SLC35F1: variants seen among roughly 807,000 people sequenced by gnomAD.
SLC35F1 encodes the protein chromosome 6 open reading frame 169.
A neutral mutation model predicts 48.7 loss-of-function variants in SLC35F1; 14 were observed. That is an observed-to-expected ratio of 0.29 (90% CI 0.19 to 0.45). The LOEUF is 0.45. SLC35F1 is among the 20% of genes least tolerant of loss of function. The pLI, the probability that SLC35F1 is intolerant of heterozygous loss-of-function variation, is 1.00. For synonymous variants in SLC35F1, 190 were observed against 202.2 expected (o/e 0.94, Z 0.51); for missense variants, 404 against 500.0 (o/e 0.81, Z 1.83).
chr6:118,257,043 T>A (rs561472193), intron 3 of SLC35F1, among the ~76,000 whole-genome samples: 2 of 152,300 alleles, frequency 1.3e-5, no homozygotes, highest in African/African-American at 4.8e-5. Flanking sequence ...ATGTATGTCA[T>A]CTAAAGCAAG....
chr6:117,917,592 G>A (rs1341723923), intron 1 of SLC35F1, among the ~76,000 whole-genome samples: 1 of 152,082 alleles, frequency 6.6e-6, no homozygotes, highest in Non-Finnish European at 1.5e-5. Context: ...TTTTGGGCTT[G>A]AGCAATTGGG....
rs75793942 is a variant in SLC35F1 at position 118,295,481 on chromosome 6, C to T, written c.1002+10143C>T. Among the ~76,000 whole-genome samples, 1,321 of 152,216 alleles carry T rather than the reference C, an allele frequency of 8.7e-3. 24 individuals carry two copies. The highest frequency in any genetic ancestry group is 0.03 in the African/African-American group (1,227 of 41,516). On this transcript the variant is annotated intron_variant, in intron 7 of 7. Coordinates refer to ENST00000360388, the MANE Select transcript of SLC35F1 (RefSeq NM_001029858.4). Reference sequence around the variant, plus strand: ...CCAGAGAGTTTACAGAGACTGGAAACTTTCATTAAGAGTGGAATCTTTCAT... The same window carrying T: ...CCAGAGAGTTTACAGAGACTGGAAATTTTCATTAAGAGTGGAATCTTTCAT...
chr6:118,172,035 G>A (rs566691924), intron 2 of SLC35F1, among the ~76,000 whole-genome samples: 1 of 152,174 alleles, frequency 6.6e-6, no homozygotes, highest in South Asian at 2.1e-4. Flanking sequence ...ACCCAAGCCT[G>A]GCTTTCTTTA....
At chr6:118,202,171 T>G (rs1204381385) in intron 2 of SLC35F1, among the ~76,000 whole-genome samples, 1 of 152,158 alleles carries the variant, frequency 6.6e-6, no homozygotes, top group Non-Finnish European at 1.5e-5. Flanking sequence ...ATGTGTAAAC[T>G]TTTGAAGAAT....
chr6:118,204,214 G>A (rs999205519), intron 2 of SLC35F1, among the ~76,000 whole-genome samples: 1 of 151,758 alleles, frequency 6.6e-6, no homozygotes, highest in Non-Finnish European at 1.5e-5. Context: ...ACAAAGGAAA[G>A]GGCAAGAGAG....
intron 1 of SLC35F1, among the ~76,000 whole-genome samples, chr6:118,011,304 A>G (rs1219831091): frequency 6.6e-6 from 1 of 152,186 alleles, no homozygotes; most frequent in Non-Finnish European, 1.5e-5. Flanking sequence ...TACAGGAAGC[A>G]TGGTTGGAGA....
chr6:118,212,310 C>T (rs1293850921), intron 2 of SLC35F1, among the ~76,000 whole-genome samples: 1 of 152,164 alleles, frequency 6.6e-6, no homozygotes, highest in South Asian at 2.1e-4. Flanking sequence ...AAAACCAGTT[C>T]CCCTGCCTTC....
chr6:118,068,051 C>A (rs1037941059), intron 1 of SLC35F1, among the ~76,000 whole-genome samples: 4 of 152,094 alleles, frequency 2.6e-5, no homozygotes, highest in Non-Finnish European at 5.9e-5. Context: ...AACCTAGAGT[C>A]CTGATTTCTG....
chr6:117,923,530 T>C (rs1190327026), intron 1 of SLC35F1, among the ~76,000 whole-genome samples: 1 of 144,330 alleles, frequency 6.9e-6, no homozygotes, highest in African/African-American at 2.5e-5. Flanking sequence ...TATATACACA[T>C]ATATGGAATA....
rs180785481 is a variant in SLC35F1 at position 118,056,288 on chromosome 6, C to T, written c.174-98157C>T. Among the ~76,000 whole-genome samples the T allele has an allele frequency of 3.6e-3, 547 of 152,034 alleles. 1 individual carries two copies. Among genetic ancestry groups the T allele is most frequent in the Admixed American group, 6.7e-3 (103 of 15,268 alleles). On this transcript the variant is annotated intron_variant, in intron 1 of 7. Coordinates refer to ENST00000360388, the MANE Select transcript of SLC35F1 (RefSeq NM_001029858.4). ...TTCTTTAAAATAATTTTGTTTATTTCATATCTTTTCAACAATATCCTTTTA... is the reference window on the plus strand; with the variant it reads ...TTCTTTAAAATAATTTTGTTTATTTTATATCTTTTCAACAATATCCTTTTA...
At chr6:118,228,309 A>AAGTTCATAC (rs755680110) in intron 2 of SLC35F1, among the ~76,000 whole-genome samples, 141,285 of 152,198 alleles carry the variant, frequency 0.93, 65,668 homozygotes, top group East Asian at 0.98. Context: ...TTCATACTAA[A>AAGTTCATAC]TGGAATAGTT....
intron 1 of SLC35F1, among the ~76,000 whole-genome samples, chr6:117,915,478 T>C (rs1775815047): frequency 6.6e-6 from 1 of 151,996 alleles, no homozygotes; most frequent in East Asian, 1.9e-4. Context: ...CAATGAAAGA[T>C]GGGTAGGAAA....
intron 7 of SLC35F1, among the ~76,000 whole-genome samples, chr6:118,288,292 C>T (rs571546297): frequency 6.6e-6 from 1 of 152,238 alleles, no homozygotes; most frequent in Non-Finnish European, 1.5e-5. Context: ...AGGGTGCACC[C>T]GTGACACAGC....
At chr6:118,164,569 A>C (rs1229488849) in intron 2 of SLC35F1, among the ~76,000 whole-genome samples, 1 of 152,202 alleles carries the variant, frequency 6.6e-6, no homozygotes, top group African/African-American at 2.4e-5. Context: ...ATTCTTTACA[A>C]GTTTCATGTG....
At chr6:118,101,422 A>G (rs1462311481) in intron 1 of SLC35F1, among the ~76,000 whole-genome samples, 1 of 152,222 alleles carries the variant, frequency 6.6e-6, no homozygotes, top group Non-Finnish European at 1.5e-5. Flanking sequence ...CATGTAAATT[A>G]CAGTGCTTGT....
At chr6:118,036,150 C>T (rs950934734) in intron 1 of SLC35F1, among the ~76,000 whole-genome samples, 1 of 151,662 alleles carries the variant, frequency 6.6e-6, no homozygotes, top group African/African-American at 2.4e-5. Context: ...GGGTTTTTTT[C>T]TTACCTAATA....
chr6:118,296,630 A>G (rs1311438543), intron 7 of SLC35F1, among the ~76,000 whole-genome samples: 2 of 152,216 alleles, frequency 1.3e-5, no homozygotes, highest in African/African-American at 2.4e-5. Context: ...ACAAAAATCT[A>G]TTCATGAACT....
chr6:118,128,333 A>C (rs1408399830), intron 1 of SLC35F1, among the ~76,000 whole-genome samples: 6 of 146,326 alleles, frequency 4.1e-5, no homozygotes, highest in Non-Finnish European at 9.1e-5. Flanking sequence ...AGGACTATAA[A>C]TCATGCTGCT....
At chr6:118,054,742 T>C (rs1267388733) in intron 1 of SLC35F1, among the ~76,000 whole-genome samples, 1 of 152,100 alleles carries the variant, frequency 6.6e-6, no homozygotes, top group Non-Finnish European at 1.5e-5. Context: ...GAGAGAAGCC[T>C]GCTGCTGGGT....
Sources: allele counts gnomAD v4.1 joint callset (sites outside exome capture counted in the v4.1 genomes callset), GRCh38; gene constraint gnomAD v4.1.1; transcripts MANE v1.5; gene names NCBI Gene and HGNC (gene_info 2026-07-23, HGNC 2026-07-21).